Variants in KLHL8 observed in about 807,000 individuals in gnomAD.
The protein encoded by KLHL8 is kelch-like protein 8.
A neutral mutation model predicts 63.5 loss-of-function variants in KLHL8; 38 were observed. That is an observed-to-expected ratio of 0.60 (90% CI 0.46 to 0.78). The LOEUF (loss-of-function observed/expected upper bound fraction) is 0.78, where lower values mean the gene tolerates loss of function less well. KLHL8 is among the 30% of genes least tolerant of loss of function. The probability of loss-of-function intolerance (pLI) is 0.00; values close to 1 mark genes in which losing one functional copy is unlikely to be tolerated. For missense variants in KLHL8, 566 were observed against 752.4 expected (o/e 0.75, Z 2.90); for synonymous variants, 224 against 254.3 (o/e 0.88, Z 1.13).
At chr4:87,204,402 G>T (rs953005364) in intron 1 of KLHL8, among the ~76,000 whole-genome samples, 1 of 151,822 alleles carries the variant, frequency 6.6e-6, no homozygotes, top group Non-Finnish European at 1.5e-5. Context: ...AAAAAAGGTG[G>T]AAGTTTCTTA....
Position 87,220,543 on chromosome 4 carries a change from T to C in KLHL8, c.-277A>G, listed in dbSNP as rs947811964. Reference sequence around the variant, plus strand: ...GCGCGAGCACCCGGCGGACGCGCGCTCTCCTGCGCGGCCCCGCGGAGCCCC... The same window carrying C: ...GCGCGAGCACCCGGCGGACGCGCGCCCTCCTGCGCGGCCCCGCGGAGCCCC... On this transcript the variant is annotated 5_prime_UTR_variant, in exon 1 of 10. Coordinates refer to ENST00000273963, the MANE Select transcript of KLHL8 (RefSeq NM_020803.5). 4.0e-5 allele frequency: 6 copies of C among 151,856 alleles called. No individual in the cohort carries two copies. The highest frequency in any genetic ancestry group is 8.8e-5 in the Non-Finnish European group (6 of 67,978). The allele number at this position is 151,856 out of a possible 1,614,324, so 9.4% of individuals were successfully genotyped here.
intron 1 of KLHL8, among the ~76,000 whole-genome samples, chr4:87,196,083 G>A (rs1302220216): frequency 6.6e-6 from 1 of 151,730 alleles, no homozygotes; most frequent in Non-Finnish European, 1.5e-5. Flanking sequence ...TCAAAGTGCT[G>A]GGATTACATG....
rs146756074 is a variant in KLHL8, at chr4:87,238,066, G to A, written n.57+2192C>T. On this transcript the variant is annotated intron_variant and non_coding_transcript_variant, in intron 1 of 1. Transcript: ENST00000506274. The stretch of plus-strand genomic sequence containing the variant: ...TTCTTTTGCCTCAGCCTCCTGAGTA[G>A]CTGGGATGACAGGCGTGCACAACCA... 5.9e-4 allele frequency among the ~76,000 whole-genome samples: 90 copies of A among 152,224 alleles called. 1 individual carries two copies. The highest frequency in any genetic ancestry group is 6.8e-3 in the Middle Eastern group (2 of 294).
At chr4:87,219,777 G>C (rs1560719499) in intron 1 of KLHL8, 1 of 152,470 alleles carries the variant, frequency 6.6e-6, no homozygotes, top group Non-Finnish European at 1.5e-5. Flanking sequence ...GCGGTTCCTG[G>C]TTCCACATCA....
At chr4:87,188,915 T>C (rs1731364002) in intron 2 of KLHL8, among the ~76,000 whole-genome samples, 1 of 152,202 alleles carries the variant, frequency 6.6e-6, no homozygotes, top group South Asian at 2.1e-4. Context: ...CATTCTTTCT[T>C]TGTTAGATCA....
At chr4:87,210,156 C>T (rs1732343293) in intron 1 of KLHL8, among the ~76,000 whole-genome samples, 1 of 152,076 alleles carries the variant, frequency 6.6e-6, no homozygotes, top group Non-Finnish European at 1.5e-5. Context: ...CTACGCCCAG[C>T]CCCAAATGGC....
intron 1 of KLHL8, among the ~76,000 whole-genome samples, chr4:87,239,092 C>T (rs765595898): frequency 5.9e-5 from 9 of 152,046 alleles, no homozygotes; most frequent in Non-Finnish European, 1.0e-4. Flanking sequence ...ATACCTTTTT[C>T]GCACTCAGTA....
intron 1 of KLHL8, among the ~76,000 whole-genome samples, chr4:87,200,138 CAAAAAAA>C (rs61605160): frequency 2.7e-4 from 20 of 73,718 alleles, no homozygotes; most frequent in East Asian, 3.9e-4. Context: ...GAGACTGCCT[CAAAAAAA>C]AAAAAAAAAA....
chr4:87,221,328 G>A (rs189213871), upstream of KLHL8: 1 of 149,658 alleles, frequency 6.7e-6, no homozygotes, highest in East Asian at 2.0e-4. Context: ...CCGGGAGTCG[G>A]AGGTTGCAGT....
In KLHL8 at chr4:87,183,072, A is replaced by G. The variant is rs902872178; in HGVS notation, c.952+131T>C. 7.7e-5 allele frequency: 44 copies of G among 568,926 alleles called. No homozygotes were observed. The African/African-American group carries it at 8.2e-4, about 11-fold the overall frequency. The allele number at this position is 568,926 out of a possible 1,614,324, so 35.2% of individuals were successfully genotyped here. A position where few individuals can be genotyped will look rare whatever the true frequency, so the allele number is the denominator to read the frequency against. Reference sequence around the variant, plus strand: ...ACAGTAAAAATTATAAATATATAAAACCGTATTTGCCAATTATTACTTTAA... The same window carrying G: ...ACAGTAAAAATTATAAATATATAAAGCCGTATTTGCCAATTATTACTTTAA... On this transcript the variant is annotated intron_variant, in intron 4 of 9. Transcript: ENST00000273963.
At chr4:87,239,121 T>C (rs1343622844) in intron 1 of KLHL8, among the ~76,000 whole-genome samples, 1 of 152,216 alleles carries the variant, frequency 6.6e-6, no homozygotes, top group South Asian at 2.1e-4. Flanking sequence ...CTCTAAGTAG[T>C]AGTGTTCAAT....
chr4:87,217,405 C>G (rs1347871800), intron 1 of KLHL8, among the ~76,000 whole-genome samples: 1 of 152,072 alleles, frequency 6.6e-6, no homozygotes, highest in Non-Finnish European at 1.5e-5. Flanking sequence ...GCAATCATGG[C>G]TCACTGCAGC....
chr4:87,207,086 G>A, intron 1 of KLHL8: 1 of 488,382 alleles, frequency 2.0e-6, no homozygotes, highest in Non-Finnish European at 3.9e-6. Context: ...CATCGCTGAG[G>A]TAGTGAAGGT....
In KLHL8 at chr4:87,191,335, G is replaced by C. The variant is rs144877342; in HGVS notation, c.216+3989C>G. Among the ~76,000 whole-genome samples, 336 of 152,162 alleles carry C rather than the reference G, an allele frequency of 2.2e-3. 1 individual carries two copies. The highest frequency in any genetic ancestry group is 7.6e-3 in the African/African-American group (316 of 41,518). ...AGTGCAAAAATTAACTGGGTGTGATGGTGTGCACCTGTAGTCTCAGCTACT... is the reference window on the plus strand; with the variant it reads ...AGTGCAAAAATTAACTGGGTGTGATCGTGTGCACCTGTAGTCTCAGCTACT... On this transcript the variant is annotated intron_variant, in intron 2 of 9. Transcript: ENST00000273963.
rs1730108205 is a variant in KLHL8, at chr4:87,160,266, A to G, written c.*3253T>C. 6.6e-6 allele frequency: 1 copy of G among 152,230 alleles called. No individual in the cohort carries two copies. Among genetic ancestry groups the G allele is most frequent in the Non-Finnish European group, 1.5e-5 (1 of 68,020 alleles). The allele number at this position is 152,230 out of a possible 1,614,324, so 9.4% of individuals were successfully genotyped here. On this transcript the variant is annotated 3_prime_UTR_variant, in exon 10 of 10. Coordinates refer to ENST00000273963, the MANE Select transcript of KLHL8 (RefSeq NM_020803.5). ...ATAAATGGTTTTAAGAAAATATTATAGAGAAGTTTTACTGACACTTGGAAT... is the reference window on the plus strand; with the variant it reads ...ATAAATGGTTTTAAGAAAATATTATGGAGAAGTTTTACTGACACTTGGAAT...
At chr4:87,203,890 C>T (rs182648414) in intron 1 of KLHL8, among the ~76,000 whole-genome samples, 4 of 152,010 alleles carry the variant, frequency 2.6e-5, no homozygotes, top group Admixed American at 6.5e-5. Flanking sequence ...TGTTGGCAAA[C>T]CACATATTTG....
chr4:87,217,377 A>T (rs1168731367), intron 1 of KLHL8, among the ~76,000 whole-genome samples: 1 of 152,040 alleles, frequency 6.6e-6, no homozygotes, highest in East Asian at 1.9e-4. Flanking sequence ...TCTGTCACCC[A>T]GGCTGGAGTG....
intron 1 of KLHL8, among the ~76,000 whole-genome samples, chr4:87,230,817 G>T (rs1402598924): frequency 6.6e-6 from 1 of 152,142 alleles, no homozygotes; most frequent in Non-Finnish European, 1.5e-5. Context: ...TCCAGGACAG[G>T]CTTACACCTT....
chr4:87,175,089 T>C lies in KLHL8; in HGVS notation c.1208+1668A>G, dbSNP rs149070539. On this transcript the variant is annotated intron_variant, in intron 6 of 9. Coordinates refer to ENST00000273963, the MANE Select transcript of KLHL8 (RefSeq NM_020803.5). ...TCATTCTCACATTTATTACAATCCA[T>C]TTTTGTGCATTTTCTATAGATCTTA... is the stretch of plus-strand genomic sequence containing the variant. 7.0e-3 allele frequency among the ~76,000 whole-genome samples: 1,062 copies of C among 152,320 alleles called. 10 individuals carry two copies. Among genetic ancestry groups the C allele is most frequent in the African/African-American group, 0.024 (1,014 of 41,564 alleles).
Sources: gnomAD v4.1 joint callset for allele counts (sites outside exome capture counted in the v4.1 genomes callset) on GRCh38, gnomAD v4.1.1 for gene constraint, MANE v1.5 for transcripts, NCBI Gene and HGNC (gene_info 2026-07-23, HGNC 2026-07-21) for gene names.